MBD6: variants seen among roughly 807,000 people sequenced by gnomAD.
MBD6 encodes the protein methyl-CpG binding domain protein 6, also known as methyl-CpG-binding domain protein 6.
Under a neutral mutation model 66.8 loss-of-function variants are expected in MBD6, and 22 were observed. The observed-to-expected ratio is 0.33, with a 90% CI of 0.24 to 0.47. The LOEUF (loss-of-function observed/expected upper bound fraction) is 0.47, where lower values mean the gene tolerates loss of function less well. Ranked by LOEUF, MBD6 falls within the 20% of genes least tolerant of loss-of-function variation. The pLI is 1.00. For missense variants in MBD6, 1,322 were observed against 1,286.9 expected (o/e 1.03, Z -0.42); for synonymous variants, 540 against 534.6 (o/e 1.01, Z -0.14).
chr12:57,528,238 C>G lies in MBD6; in HGVS notation c.2498C>G (p.Ala833Gly). 6.2e-7 allele frequency: 1 copy of G among 1,608,100 alleles called. No individual in the cohort carries two copies. Among genetic ancestry groups the G allele is most frequent in the Non-Finnish European group, 8.5e-7 (1 of 1,177,282 alleles). ...GAGCCTGCCAGGCCTCCCCTCAGTG[C>G]CTTAGCCCCACCCCATGGTTCTCCC... ...EPEPARPPLSALAPPHGSPDP... is the reference protein window; with the variant it reads ...EPEPARPPLSGLAPPHGSPDP... Residue 833 changes from alanine (A) to glycine (G), a missense_variant, in exon 10 of 13, where the codon GCC becomes GGC. Transcript: ENST00000355673.
chr12:57,524,690 C>G, intron 3 of MBD6, 30 bp from the exon 4 acceptor site: 1 of 1,603,782 alleles, frequency 6.2e-7, no homozygotes. Context: ...GCCAGCTAAC[C>G]CCATGTCCTC....
chr12:57,528,424 C>T lies in MBD6; in HGVS notation c.2684C>T (p.Thr895Ile). The change falls in exon 10 of 13, where the codon ACA (threonine) becomes ATA (isoleucine). Residue 895 changes from threonine (T) to isoleucine (I), a missense_variant. Physicochemically the swap from Thr to Ile is moderately conservative, Grantham distance 89. Transcript: ENST00000355673. ...GGCCGACTGGCCCTCAAATGGGGGA[C>T]ACGTGGTGGCTTCAATGGACAAATG... is the stretch of plus-strand genomic sequence containing the variant. Reference protein sequence around the residue: ...EPGRLALKWGTRGGFNGQMER... With the variant: ...EPGRLALKWGIRGGFNGQMER... 6.2e-7 allele frequency: 1 copy of T among 1,613,452 alleles called. No individual in the cohort carries two copies.
rs1878945835 is a variant in MBD6, at chr12:57,526,282, CCTT to C, written c.1316_1318del (p.Leu439del). The C allele has an allele frequency of 6.2e-7, 1 of 1,613,952 alleles. No individual in the cohort carries two copies. The highest frequency in any genetic ancestry group is 8.5e-7 in the Non-Finnish European group (1 of 1,179,982). ...TTAACCTTTTGGGGTCAGATGCACA[CCTT>C]CCTCCTCCCCCAACCCTCTCCTCAG... On this transcript the variant is annotated inframe_deletion, in exon 6 of 13. Transcript: ENST00000355673.
rs1457858834 is a variant in MBD6 at position 57,526,916 on chromosome 12, G to A, written c.1771G>A (p.Glu591Lys). The A allele has an allele frequency of 4.3e-6, 7 of 1,613,702 alleles. No individual in the cohort carries two copies. Among genetic ancestry groups the A allele is most frequent in the South Asian group, 1.1e-5 (1 of 91,074 alleles). The change falls in exon 7 of 13, where the codon GAG (glutamate) becomes AAG (lysine). Residue 591 changes from glutamate to lysine, a missense_variant. Transcript: ENST00000355673. ...ACCTGGTCCTCCCCTAGCCCCAGGAGAGCCTGAAGGGCCTTCGCTTTTGGT... is the reference window on the plus strand; with the variant it reads ...ACCTGGTCCTCCCCTAGCCCCAGGAAAGCCTGAAGGGCCTTCGCTTTTGGT... ...GGPGPPLAPG[E>K]PEGPSLLVAS...
chr12:57,528,197 C>T lies in MBD6; in HGVS notation c.2457C>T (p.Ala819=). 1 of 1,611,820 alleles carries T rather than the reference C, an allele frequency of 6.2e-7. No homozygotes were observed. The highest frequency in any genetic ancestry group is 8.5e-7 in the Non-Finnish European group (1 of 1,179,328). The change falls in exon 10 of 13, where the codon GCC becomes GCT. Residue 819 remains alanine (A), a synonymous_variant. Coordinates refer to ENST00000355673, the MANE Select transcript of MBD6 (RefSeq NM_052897.4). The stretch of plus-strand genomic sequence containing the variant: ...CCTGTCTACCCCCCGAGAGCCCTGC[C>T]TCAGCCCTCGAACCAGAGCCTGCCA... The part of the protein sequence containing the change: ...EAPCLPPESP[A]SALEPEPARP...
chr12:57,528,868 G>T, intron 11 of MBD6, 78 bp from the exon 12 acceptor site: 1 of 1,609,728 alleles, frequency 6.2e-7, no homozygotes, highest in South Asian at 1.1e-5. Context: ...TCCAAATGTA[G>T]AAAGTTTCCC....
At position 57,526,550 on chromosome 12, in the gene MBD6, CT is replaced by C; in HGVS notation, c.1421-15del. ...AAAGGGCCTCCCTTGAGCTGAATTT[CT>C]CTCCTCTTTTACAGGTGCCCCTGCC... On this transcript the variant is annotated splice_polypyrimidine_tract_variant and intron_variant, in intron 6 of 12. Transcript: ENST00000355673. The C allele has an allele frequency of 2.0e-6, 3 of 1,511,398 alleles. No homozygotes were observed. The highest frequency in any genetic ancestry group is 2.7e-6 in the Non-Finnish European group (3 of 1,131,368). The allele number at this position is 1,511,398 out of a possible 1,614,324, so 93.6% of individuals were successfully genotyped here.
chr12:57,527,508 C>T lies in MBD6; in HGVS notation c.2084C>T (p.Pro695Leu), dbSNP rs1413318498. The change falls in exon 8 of 13, where the codon CCC (proline) becomes CTC (leucine). Residue 695 changes from proline to leucine, a missense_variant and splice_region_variant. Pro to Leu is a moderately conservative substitution (Grantham distance 98). Coordinates refer to ENST00000355673, the MANE Select transcript of MBD6 (RefSeq NM_052897.4). ...GTTAGAATCATTCTTTTTTCTTAGC[C>T]CTGTGTCCTGAGTGCCCCCCAACCT... ...LDPPSGTPPQ[P>L]CVLSAPQPGP... The T allele has an allele frequency of 6.2e-7, 1 of 1,613,834 alleles. No homozygotes were observed. Among genetic ancestry groups the T allele is most frequent in the Non-Finnish European group, 8.5e-7 (1 of 1,179,958 alleles).
intron 5 of MBD6, 56 bp from the exon 6 acceptor site, chr12:57,525,290 CAA>C (rs1878795590): frequency 6.6e-6 from 10 of 1,520,504 alleles, no homozygotes; most frequent in East Asian, 4.5e-5. Flanking sequence ...CTAGAGAAGA[CAA>C]AAGAGTTTTT....
chr12:57,526,515 A>T, intron 6 of MBD6, 51 bp from the exon 7 acceptor site: 1 of 1,512,536 alleles, frequency 6.6e-7, no homozygotes, highest in Non-Finnish European at 8.8e-7. Context: ...GCTTCTTTGG[A>T]TGATGGGAGA....
downstream of MBD6, chr12:57,530,593 G>C: frequency 9.2e-7 from 1 of 1,082,950 alleles, no homozygotes. Flanking sequence ...ATGGGATGGG[G>C]ATGCTAGAGT....
At chr12:57,527,400 C>A in intron 7 of MBD6, 107 bp from the exon 8 acceptor site, 3 of 1,394,112 alleles carry the variant, frequency 2.2e-6, no homozygotes, top group South Asian at 1.2e-5. Context: ...ATTTAATAAG[C>A]ATGGCCTATC....
rs1377504056 is a variant in MBD6, at chr12:57,525,731, C to G, written c.763C>G (p.Pro255Ala). 3.7e-6 allele frequency: 6 copies of G among 1,613,922 alleles called. No homozygotes were observed. The East Asian group carries it at 6.7e-5, about 18-fold the overall frequency. ...PPAPHASSSP[P>A]SDPPLFHCSD... ...GGCCCCTCATGCCTCCTCCTCACCACCTTCAGACCCTCCTCTCTTCCACTG... is the reference window on the plus strand; with the variant it reads ...GGCCCCTCATGCCTCCTCCTCACCAGCTTCAGACCCTCCTCTCTTCCACTG... Residue 255 changes from proline to alanine, a missense_variant, in exon 6 of 13, where the codon CCT becomes GCT. Pro to Ala is a conservative substitution (Grantham distance 27, BLOSUM62 -1). Coordinates refer to ENST00000355673, the MANE Select transcript of MBD6 (RefSeq NM_052897.4).
At position 57,527,785 on chromosome 12, in the gene MBD6, G is replaced by A. The variant is rs965052966; in HGVS notation, c.2237-63G>A. The A allele has an allele frequency of 4.4e-6, 7 of 1,585,524 alleles. No individual in the cohort carries two copies. In the South Asian group the frequency reaches 6.9e-5, roughly 16 times the overall value. ...CACTGGATAAAGCCTAAAGAGAATA[G>A]TAGGTCTGCTCAGCCTAATTGGTTT... On this transcript the variant is annotated intron_variant, in intron 8 of 12. Transcript: ENST00000355673.
At chr12:57,523,807 G>A (rs1565660909) in intron 1 of MBD6, among the ~76,000 whole-genome samples, 1 of 152,192 alleles carries the variant, frequency 6.6e-6, no homozygotes, top group Non-Finnish European at 1.5e-5. Flanking sequence ...TAAGAATTGG[G>A]CTAGACTTTC....
In MBD6 at chr12:57,524,043, G is replaced by T; in HGVS notation, c.-74G>T. On this transcript the variant is annotated 5_prime_UTR_variant, in exon 2 of 13. Transcript: ENST00000355673. ...TTGCGTTGCAGGTGTGGGCTAAGCT[G>T]GTGGCCCCGGCTTTAGACTGGACCC... is the stretch of plus-strand genomic sequence containing the variant. The T allele has an allele frequency of 3.2e-6, 1 of 313,428 alleles. No individual in the cohort carries two copies. Among genetic ancestry groups the T allele is most frequent in the Non-Finnish European group, 5.9e-6 (1 of 170,118 alleles). 19.4% of individuals were successfully genotyped at this position (313,428 alleles called of 1,614,324 possible). A position where few individuals can be genotyped will look rare whatever the true frequency, so the allele number is the denominator to read the frequency against.
chr12:57,529,338 A>G lies in MBD6; in HGVS notation c.*104A>G. On this transcript the variant is annotated 3_prime_UTR_variant, in exon 13 of 13. Transcript: ENST00000355673. ...GCACCTGTGGACAGTGGGTGGGGGC[A>G]CTACTCCCCACTCAGAGCACAAATG... is the stretch of plus-strand genomic sequence containing the variant. 1 of 1,061,484 alleles carries G rather than the reference A, an allele frequency of 9.4e-7. No homozygotes were observed. The highest frequency in any genetic ancestry group is 2.5e-5 in the East Asian group (1 of 40,552). The allele number at this position is 1,061,484 out of a possible 1,614,324, so 65.8% of individuals were successfully genotyped here. A position where few individuals can be genotyped will look rare whatever the true frequency, so the allele number is the denominator to read the frequency against.
Position 57,524,845 on chromosome 12 carries a change from G to C in MBD6, c.216+23G>C, listed in dbSNP as rs552864856. The stretch of plus-strand genomic sequence containing the variant: ...AAGGTCAGAGTGGTGAGGGGCGCCT[G>C]AGAGTACAGAGATAAGCTAAAAGTC... On this transcript the variant is annotated intron_variant, in intron 4 of 12. Transcript: ENST00000355673. 14 of 1,613,862 alleles carry C rather than the reference G, an allele frequency of 8.7e-6. No individual in the cohort carries two copies. The Admixed American group carries it at 1.3e-4, about 15-fold the overall frequency.
Position 57,530,031 on chromosome 12 carries a change from T to C in MBD6, c.*797T>C, listed in dbSNP as rs1879485241. The stretch of plus-strand genomic sequence containing the variant: ...AGGGGCTGCCTCCTGCCTTTTCTTT[T>C]GTAAAGACAAGACCCTTGGGAGTTT... On this transcript the variant is annotated 3_prime_UTR_variant, in exon 13 of 13. Transcript: ENST00000355673. 1 of 152,680 alleles carries C rather than the reference T, an allele frequency of 6.5e-6. No individual in the cohort carries two copies. The allele number at this position is 152,680 out of a possible 1,614,324, so 9.5% of individuals were successfully genotyped here.
Sources: gnomAD v4.1 joint callset for allele counts (sites outside exome capture counted in the v4.1 genomes callset) on GRCh38, gnomAD v4.1.1 for gene constraint, MANE v1.5 for transcripts, NCBI Gene and HGNC (gene_info 2026-07-23, HGNC 2026-07-21) for gene names.